CPD: variants seen among roughly 807,000 people sequenced by gnomAD.
CPD encodes carboxypeptidase D.
Under a neutral mutation model 138.3 loss-of-function variants are expected in CPD, and 69 were observed. That is an observed-to-expected ratio of 0.50 (90% CI 0.41 to 0.61). The LOEUF (loss-of-function observed/expected upper bound fraction) is 0.61. Among genes scored for constraint, CPD ranks in the 20% least tolerant of loss-of-function variants. CPD has a pLI of 0.00. For synonymous variants in CPD, 651 were observed against 642.1 expected (o/e 1.01, Z -0.21); for missense variants, 1,432 against 1,733.3 (o/e 0.83, Z 3.09).
At chr17:30,445,529 T>A (rs1913002375) in intron 11 of CPD, among the ~76,000 whole-genome samples, 162 bp from the exon 12 acceptor site, 1 of 152,198 alleles carries the variant, frequency 6.6e-6, no homozygotes, top group Non-Finnish European at 1.5e-5. Context: ...TCTTTATTAA[T>A]GTATTAAAAA....
intron 2 of CPD, among the ~76,000 whole-genome samples, chr17:30,407,549 C>T (rs1247441033): frequency 6.6e-6 from 1 of 152,162 alleles, no homozygotes; most frequent in Non-Finnish European, 1.5e-5. Flanking sequence ...TTTTGATTTG[C>T]GTTTCTCTGA....
intron 15 of CPD, 27 bp downstream of exon 15, chr17:30,455,497 T>C (rs1265249811): frequency 1.3e-6 from 2 of 1,598,584 alleles, no homozygotes; most frequent in Non-Finnish European, 1.7e-6. Flanking sequence ...TTTATATATA[T>C]ACTGTTTAAG....
In CPD at chr17:30,469,505, C is replaced by T. The variant is rs1913730877; in HGVS notation, c.*4691C>T. On this transcript the variant is annotated 3_prime_UTR_variant, in exon 21 of 21. Transcript: ENST00000225719. ...AATATTTGACTTGGAATTGAATGCC[C>T]ATGGTAACCAGCATCATTTTCCTTC... 6.6e-6 allele frequency: 1 copy of T among 152,152 alleles called. No individual in the cohort carries two copies. The highest frequency in any genetic ancestry group is 2.4e-5 in the African/African-American group (1 of 41,432). The allele number at this position is 152,152 out of a possible 1,614,324, so 9.4% of individuals were successfully genotyped here. A position where few individuals can be genotyped will look rare whatever the true frequency, so the allele number is the denominator to read the frequency against.
chr17:30,423,150 T>G (rs1425674975), intron 5 of CPD, 127 bp downstream of exon 5: 1 of 715,316 alleles, frequency 1.4e-6, no homozygotes, highest in East Asian at 2.9e-5. Context: ...CTAACTAAAA[T>G]TAAAAGAAAG....
chr17:30,380,956 G>A (rs1251810621), intron 1 of CPD, among the ~76,000 whole-genome samples: 3 of 152,180 alleles, frequency 2.0e-5, no homozygotes, highest in Non-Finnish European at 1.5e-5. Flanking sequence ...CTGAGGGACT[G>A]CTAAGATAAA....
rs1913723491 is a variant in CPD, at chr17:30,469,200, C to T, written c.*4386C>T. 1 of 152,208 alleles carries T rather than the reference C, an allele frequency of 6.6e-6. No individual in the cohort carries two copies. Among genetic ancestry groups the T allele is most frequent in the South Asian group, 2.1e-4 (1 of 4,828 alleles). The allele number at this position is 152,208 out of a possible 1,614,324, so 9.4% of individuals were successfully genotyped here. On this transcript the variant is annotated 3_prime_UTR_variant, in exon 21 of 21. Coordinates refer to ENST00000225719, the MANE Select transcript of CPD (RefSeq NM_001304.5). ...ACTCTGCTGATAAAGTACTCATAGT[C>T]CAGACCAGAGAAATATAAATGGAAA... is the stretch of plus-strand genomic sequence containing the variant.
chr17:30,385,679 A>G (rs1005763813), intron 2 of CPD, among the ~76,000 whole-genome samples: 2 of 151,872 alleles, frequency 1.3e-5, no homozygotes, highest in African/African-American at 4.8e-5. Context: ...GAAATCAATG[A>G]TAATTTAATA....
chr17:30,418,704 CCCT>C (rs1290041664), intron 2 of CPD, among the ~76,000 whole-genome samples: 2 of 152,052 alleles, frequency 1.3e-5, no homozygotes, highest in Non-Finnish European at 2.9e-5. Context: ...TGTAGTTGTC[CCCT>C]CCTCTGATTG....
chr17:30,419,685 A>C (rs1912216556), intron 2 of CPD, among the ~76,000 whole-genome samples: 1 of 152,196 alleles, frequency 6.6e-6, no homozygotes, highest in Admixed American at 6.5e-5. Flanking sequence ...CGAGGGTTTG[A>C]AGTGTCTTTT....
chr17:30,427,350 T>C, intron 6 of CPD, 41 bp from the exon 7 acceptor site: 1 of 1,571,992 alleles, frequency 6.4e-7, no homozygotes, highest in Non-Finnish European at 8.8e-7. Flanking sequence ...AAAATATAAG[T>C]GAACATGGCT....
intron 20 of CPD, among the ~76,000 whole-genome samples, chr17:30,462,673 G>A (rs1234502646): frequency 6.6e-6 from 1 of 152,040 alleles, no homozygotes; most frequent in Non-Finnish European, 1.5e-5. Context: ...GCTCCATCAA[G>A]GAGACCCTAA....
chr17:30,384,896 G>A (rs1484446487), intron 1 of CPD, 93 bp from the exon 2 acceptor site: 7 of 1,391,180 alleles, frequency 5.0e-6, no homozygotes, highest in Non-Finnish European at 5.9e-6. Flanking sequence ...AGAGATATTG[G>A]AGTTTATTTC....
intron 16 of CPD, 30 bp downstream of exon 16, chr17:30,456,381 CTGT>C (rs746389730): frequency 1.1e-5 from 18 of 1,607,680 alleles, no homozygotes; most frequent in African/African-American, 1.3e-5. Context: ...TTTGTTATTG[CTGT>C]TGTTGTTGTT....
At position 30,379,465 on chromosome 17, in the gene CPD, G is replaced by C. The variant is rs1323157833; in HGVS notation, c.485G>C (p.Arg162Pro). The change falls in exon 1 of 21, where the codon CGC becomes CCC. Residue 162 changes from arginine to proline, a missense_variant. Coordinates refer to ENST00000225719, the MANE Select transcript of CPD (RefSeq NM_001304.5). The surrounding 1 kb of genome is among the most constrained non-coding windows in gnomAD (Gnocchi z 7.0). ...LARELAAGYRRGDPRLVRLLN... is the reference protein window; with the variant it reads ...LARELAAGYRPGDPRLVRLLN... ...CGCGAGCTGGCGGCCGGCTACCGCCGCGGGGACCCGCGCCTGGTCCGCCTG... is the reference window on the plus strand; with the variant it reads ...CGCGAGCTGGCGGCCGGCTACCGCCCCGGGGACCCGCGCCTGGTCCGCCTG... 8.3e-6 allele frequency: 13 copies of C among 1,572,458 alleles called. No individual in the cohort carries two copies. Among genetic ancestry groups the C allele is most frequent in the Non-Finnish European group, 1.0e-5 (12 of 1,166,094 alleles).
intron 2 of CPD, among the ~76,000 whole-genome samples, chr17:30,399,990 CA>C (rs1302353203): frequency 6.6e-6 from 1 of 152,032 alleles, no homozygotes; most frequent in African/African-American, 2.4e-5. Flanking sequence ...GACTCTGTCT[CA>C]AAAAATAAAT....
chr17:30,399,547 G>A (rs1189802081), intron 2 of CPD, among the ~76,000 whole-genome samples: 4 of 151,966 alleles, frequency 2.6e-5, no homozygotes, highest in Admixed American at 6.6e-5. Context: ...CACTTTTATC[G>A]TTATGTAATG....
At chr17:30,439,692 AATG>A (rs1485308302) in intron 9 of CPD, among the ~76,000 whole-genome samples, 1 of 94,020 alleles carries the variant, frequency 1.1e-5, no homozygotes, top group Non-Finnish European at 2.0e-5. Flanking sequence ...GTTTACTGAG[AATG>A]ATGATTTCCA....
At chr17:30,387,970 C>G (rs571905696) in intron 2 of CPD, among the ~76,000 whole-genome samples, 1 of 152,312 alleles carries the variant, frequency 6.6e-6, no homozygotes, top group South Asian at 2.1e-4. Context: ...GGCATCTCCT[C>G]TCTGTAGGCA....
chr17:30,399,939 C>T (rs1041947162), intron 2 of CPD, among the ~76,000 whole-genome samples: 7 of 152,056 alleles, frequency 4.6e-5, no homozygotes, highest in African/African-American at 1.7e-4. Context: ...TACAGTGAGC[C>T]GAGATTGTAC....
Sources: allele counts gnomAD v4.1 joint callset (sites outside exome capture counted in the v4.1 genomes callset), GRCh38; gene constraint gnomAD v4.1.1; non-coding constraint Gnocchi (gnomAD v3.1); transcripts MANE v1.5; gene names NCBI Gene and HGNC (gene_info 2026-07-23, HGNC 2026-07-21).